IGSF11: variants seen among roughly 807,000 people sequenced by gnomAD.
IGSF11 encodes CXADR like 1.
In IGSF11, 22 loss-of-function variants were observed where a neutral mutation model predicts 41.0. The observed-to-expected ratio is 0.54, with a 90% CI of 0.38 to 0.77. The LOEUF (loss-of-function observed/expected upper bound fraction) is 0.77. Among genes scored for constraint, IGSF11 ranks in the 30% least tolerant of loss-of-function variants. The pLI is 0.00. For synonymous variants in IGSF11, 219 were observed against 201.3 expected (o/e 1.09, Z -0.74); for missense variants, 444 against 530.8 (o/e 0.84, Z 1.61).
intron 1 of IGSF11, among the ~76,000 whole-genome samples, chr3:119,041,692 T>A (rs1941124009): frequency 6.6e-6 from 1 of 151,962 alleles, no homozygotes; most frequent in African/African-American, 2.4e-5. Context: ...ATCTGAAAAT[T>A]TGGAGGAAAT....
At chr3:118,948,844 C>T (rs375581911) in intron 1 of IGSF11, among the ~76,000 whole-genome samples, 14 of 151,646 alleles carry the variant, frequency 9.2e-5, no homozygotes, top group African/African-American at 1.4e-4. Flanking sequence ...TGGTGGTGGG[C>T]GCCTGTAGTC....
intron 1 of IGSF11, among the ~76,000 whole-genome samples, chr3:118,967,344 C>T (rs1945753406): frequency 6.6e-6 from 1 of 152,152 alleles, no homozygotes; most frequent in African/African-American, 2.4e-5. Context: ...TCTAATCTTT[C>T]TTTACATTCT....
chr3:118,953,344 G>A (rs1413304406), intron 1 of IGSF11, among the ~76,000 whole-genome samples: 1 of 152,164 alleles, frequency 6.6e-6, no homozygotes, highest in Non-Finnish European at 1.5e-5. Flanking sequence ...TACAAATTGT[G>A]CTGCTATAAA....
intron 1 of IGSF11, among the ~76,000 whole-genome samples, chr3:118,944,174 T>G (rs777481941): frequency 6.6e-6 from 1 of 152,220 alleles, no homozygotes; most frequent in Admixed American, 6.5e-5. Flanking sequence ...GTTTTTAACA[T>G]ACAAATATTT....
intron 1 of IGSF11, among the ~76,000 whole-genome samples, chr3:118,950,306 C>T (rs745319837): frequency 1.8e-4 from 27 of 152,096 alleles, no homozygotes; most frequent in African/African-American, 5.3e-4. Context: ...AAGCTTTCTC[C>T]GGTTAAGTTC....
At chr3:119,137,141 A>G (rs2077573982) in intron 1 of IGSF11, among the ~76,000 whole-genome samples, 1 of 152,168 alleles carries the variant, frequency 6.6e-6, no homozygotes, top group Non-Finnish European at 1.5e-5. Flanking sequence ...TTAAATGTCC[A>G]TACTACCCAA....
chr3:119,017,039 C>CCAAAAAAAAAAAAAAAAAAAAAAAA (rs1553713302), intron 1 of IGSF11, among the ~76,000 whole-genome samples: 1 of 88,320 alleles, frequency 1.1e-5, no homozygotes, highest in Non-Finnish European at 2.5e-5. Context: ...GGACGCAGGA[C>CCAAAAAAAAAAAAAAAAAAAAAAAA]AAAAAAAAAA....
chr3:119,034,579 T>G lies in IGSF11; in HGVS notation c.4A>C (p.Thr2Pro), dbSNP rs774885432. 11 of 1,590,586 alleles carry G rather than the reference T, an allele frequency of 6.9e-6. No individual in the cohort carries two copies. The highest frequency in any genetic ancestry group is 1.7e-5 in the Admixed American group (1 of 57,506). ...GGCGCCAGAGGGGAACGCTGAGAAG[T>G]CATCCCGGGGCCGCAGGGAGCGCGC... M[T>P]SQRSPLAPLL... The change falls in exon 1 of 7, where the codon ACT becomes CCT. Residue 2 changes from threonine (T) to proline (P), a missense_variant. Physicochemically the swap from Thr to Pro is conservative, Grantham distance 38. Coordinates refer to ENST00000393775, the MANE Select transcript of IGSF11 (RefSeq NM_001015887.3).
At chr3:118,954,053 TGATAC>T (rs1214540640) in intron 1 of IGSF11, among the ~76,000 whole-genome samples, 1 of 152,198 alleles carries the variant, frequency 6.6e-6, no homozygotes, top group Non-Finnish European at 1.5e-5. Context: ...TTTAAGAACT[TGATAC>T]ATCTTGAGTT....
intron 1 of IGSF11, among the ~76,000 whole-genome samples, chr3:119,086,875 T>G (rs2076684561): frequency 6.6e-6 from 1 of 152,112 alleles, no homozygotes; most frequent in Admixed American, 6.6e-5. Context: ...GCTAACAATA[T>G]GATGACAGGA....
At chr3:118,973,969 G>C (rs576650188) in intron 1 of IGSF11, among the ~76,000 whole-genome samples, 3 of 152,250 alleles carry the variant, frequency 2.0e-5, no homozygotes, top group African/African-American at 7.2e-5. Flanking sequence ...GGGGGAAGGA[G>C]AGCGTCAGGA....
rs1017259074 is a variant in IGSF11 at position 119,008,425 on chromosome 3, C to T, written c.52+26106G>A. 3.3e-5 allele frequency among the ~76,000 whole-genome samples: 5 copies of T among 152,288 alleles called. 1 individual carries two copies. The highest frequency in any genetic ancestry group is 1.9e-4 in the East Asian group (1 of 5,186). On this transcript the variant is annotated intron_variant, in intron 1 of 6. Transcript: ENST00000393775. ...TCTCTACTCCTCTATCTGCCATGCA[C>T]TATAGTACACAGTCTAAATCTGGAT...
chr3:119,096,884 AATGC>A, intron 1 of IGSF11, among the ~76,000 whole-genome samples: 1 of 152,172 alleles, frequency 6.6e-6, no homozygotes, highest in East Asian at 1.9e-4. Flanking sequence ...TACTTCTTGT[AATGC>A]ATACCATCCC....
chr3:118,981,775 C>G (rs1934746370), intron 1 of IGSF11: 1 of 152,354 alleles, frequency 6.6e-6, no homozygotes, highest in South Asian at 2.1e-4. Context: ...ATTAGAACTC[C>G]CTGTGGGAAA....
chr3:119,101,656 G>C (rs1193681045), intron 1 of IGSF11, among the ~76,000 whole-genome samples: 1 of 151,770 alleles, frequency 6.6e-6, no homozygotes, highest in Non-Finnish European at 1.5e-5. Context: ...CCAATTAATG[G>C]GAACTTCCTT....
chr3:119,108,789 T>C (rs887462297), upstream of IGSF11, among the ~76,000 whole-genome samples: 1,100 of 146,022 alleles, frequency 7.5e-3, 12 homozygotes, highest in African/African-American at 0.026. Flanking sequence ...TTGAGAGTTT[T>C]TAGCATGAAG....
chr3:118,959,992 C>T (rs570691551), intron 1 of IGSF11, among the ~76,000 whole-genome samples: 1 of 149,104 alleles, frequency 6.7e-6, no homozygotes, highest in African/African-American at 2.5e-5. Flanking sequence ...TTGCAGTGAG[C>T]GGAGATCGCG....
intron 1 of IGSF11, among the ~76,000 whole-genome samples, chr3:119,043,574 T>C (rs938319767): frequency 1.3e-5 from 2 of 152,168 alleles, no homozygotes; most frequent in African/African-American, 4.8e-5. Flanking sequence ...CATGACAATT[T>C]TACTGCTAGC....
In IGSF11 at chr3:119,003,397, T is replaced by A. The variant is rs373484510; in HGVS notation, c.52+31134A>T. On this transcript the variant is annotated intron_variant, in intron 1 of 6. Coordinates refer to ENST00000393775, the MANE Select transcript of IGSF11 (RefSeq NM_001015887.3). ...GGCTGAGACGATGGGGTTTTCCAGA[T>A]AAACAATCATGTCGTCTGCAAACAG... is the stretch of plus-strand genomic sequence containing the variant. Among the ~76,000 whole-genome samples, 48 of 150,468 alleles carry A rather than the reference T, an allele frequency of 3.2e-4. 2 individuals carry two copies. The East Asian group carries it at 3.3e-3, about 10-fold the overall frequency.
Sources: gnomAD v4.1 joint callset for allele counts (sites outside exome capture counted in the v4.1 genomes callset) on GRCh38, gnomAD v4.1.1 for gene constraint, MANE v1.5 for transcripts, NCBI Gene and HGNC (gene_info 2026-07-23, HGNC 2026-07-21) for gene names.